EDEM2: variants seen among roughly 807,000 people sequenced by gnomAD.
EDEM2 encodes ER degradation-enhancing alpha-mannosidase-like protein 2.
EDEM2 carries 39 observed loss-of-function variants against 64.8 expected under a neutral mutation model. The ratio of observed to expected loss-of-function variants is 0.60; its 90% confidence interval spans 0.47 to 0.79. EDEM2 has a LOEUF of 0.79. EDEM2 is among the 30% of genes least tolerant of loss of function. EDEM2 has a pLI of 0.00. For synonymous variants in EDEM2, 296 were observed against 291.5 expected (o/e 1.02, Z -0.16); for missense variants, 609 against 731.3 (o/e 0.83, Z 1.93).
chr20:35,128,830 T>G (rs1382908012), intron 7 of EDEM2, among the ~76,000 whole-genome samples: 1 of 150,756 alleles, frequency 6.6e-6, no homozygotes, highest in Non-Finnish European at 1.5e-5. Context: ...AGAAAAAAAC[T>G]TAGAGAATAA....
At chr20:35,130,735 CTG>C (rs1393863494) in intron 7 of EDEM2, among the ~76,000 whole-genome samples, 1 of 152,162 alleles carries the variant, frequency 6.6e-6, no homozygotes, top group Non-Finnish European at 1.5e-5. Flanking sequence ...GAAATCAAAA[CTG>C]TGGATAACGG....
chr20:35,147,226 G>A lies in EDEM2; in HGVS notation c.33C>T (p.Leu11=), dbSNP rs776756520. ...GGTGCTGAGGCAGCAGCGCGCACAG[G>A]AGGCCGAGCGGGATGAGCAGCCGGA... MPFRLLIPLG[L]LCALLPQHHG... The change falls in exon 1 of 11, where the codon CTC becomes CTT. Residue 11 remains leucine, a synonymous_variant. Transcript: ENST00000374492. 1 of 1,598,446 alleles carries A rather than the reference G, an allele frequency of 6.3e-7. No homozygotes were observed. The highest frequency in any genetic ancestry group is 8.5e-7 in the Non-Finnish European group (1 of 1,170,958).
Position 35,134,807 on chromosome 20 carries a change from G to C in EDEM2, c.633C>G (p.Asp211Glu), listed in dbSNP as rs149174437. The C allele has an allele frequency of 1.4e-4, 218 of 1,614,096 alleles. No homozygotes were observed. The African/African-American group carries it at 2.7e-3, about 20-fold the overall frequency. Residue 211 changes from aspartate to glutamate, a missense_variant, in exon 6 of 11, where the codon GAC becomes GAG. Physicochemically the swap from Asp to Glu is conservative, Grantham distance 45. Transcript: ENST00000374492. ...EFATLSSLTGDPVFEDVARVA... is the reference protein window; with the variant it reads ...EFATLSSLTGEPVFEDVARVA... ...CTCTGGCCACATCTTCGAACACCGG[G>C]TCACCAGTGAGGCTGCTCAGGGTGG...
chr20:35,116,584 G>A (rs1413853146), intron 10 of EDEM2, among the ~76,000 whole-genome samples: 3 of 151,906 alleles, frequency 2.0e-5, no homozygotes, highest in Admixed American at 2.0e-4. Context: ...CTTCCTTCAG[G>A]TCTCTGCTCA....
At chr20:35,143,586 A>C (rs2085687004) in intron 3 of EDEM2, among the ~76,000 whole-genome samples, 1 of 152,146 alleles carries the variant, frequency 6.6e-6, no homozygotes, top group Admixed American at 6.5e-5. Context: ...ATGCAATCTC[A>C]ATCTCTCTTC....
chr20:35,129,570 CA>C (rs202187228), intron 7 of EDEM2, among the ~76,000 whole-genome samples: 35,291 of 106,726 alleles, frequency 0.33, 6,828 homozygotes, highest in African/African-American at 0.62. Flanking sequence ...GACTCTATCT[CA>C]AAAAAAAAAA....
intron 6 of EDEM2, chr20:35,133,990 T>C: frequency 2.4e-6 from 1 of 416,276 alleles, no homozygotes; most frequent in Non-Finnish European, 4.8e-6. Flanking sequence ...AGTTTCGATG[T>C]AGCAAGGCCA....
intron 9 of EDEM2, 100 bp from the exon 10 acceptor site, chr20:35,118,819 C>G: frequency 1.3e-6 from 2 of 1,510,926 alleles, no homozygotes; most frequent in Non-Finnish European, 1.8e-6. Flanking sequence ...ATATCTTGTC[C>G]ATAAGGCCCC....
At chr20:35,146,695 CG>C in intron 2 of EDEM2, 129 bp downstream of exon 2, 1 of 969,386 alleles carries the variant, frequency 1.0e-6, no homozygotes, top group South Asian at 1.6e-5. Flanking sequence ...GCGGGGAGCG[CG>C]GCTCTAGCTC....
intron 9 of EDEM2, among the ~76,000 whole-genome samples, chr20:35,121,378 A>G (rs932854030): frequency 2.0e-5 from 3 of 152,180 alleles, no homozygotes; most frequent in Non-Finnish European, 4.4e-5. Flanking sequence ...ATGAACGTCT[A>G]ATGCCACCAC....
In EDEM2 at chr20:35,131,623, C is replaced by T. The variant is rs1323360583; in HGVS notation, c.844+19G>A. On this transcript the variant is annotated intron_variant, in intron 7 of 10. Coordinates refer to ENST00000374492, the MANE Select transcript of EDEM2 (RefSeq NM_018217.3). ...CAAGAAAAATGAGGGGAAAAGCTCC[C>T]TTACTCTGCCATTTTTACCTAGGAA... is the stretch of plus-strand genomic sequence containing the variant. The T allele has an allele frequency of 6.2e-7, 1 of 1,610,574 alleles. No individual in the cohort carries two copies. Among genetic ancestry groups the T allele is most frequent in the Admixed American group, 1.7e-5 (1 of 59,442 alleles).
At chr20:35,135,372 A>G (rs1341699814) in intron 5 of EDEM2, among the ~76,000 whole-genome samples, 1 of 152,224 alleles carries the variant, frequency 6.6e-6, no homozygotes, top group African/African-American at 2.4e-5. Context: ...AAAGCCATTC[A>G]TAGACTTTTG....
At chr20:35,135,192 G>A (rs2085559576) in intron 5 of EDEM2, among the ~76,000 whole-genome samples, 1 of 152,176 alleles carries the variant, frequency 6.6e-6, no homozygotes, top group African/African-American at 2.4e-5. Context: ...GGGGCAGGGA[G>A]CAGGCTGTGC....
chr20:35,144,403 G>A (rs1016084260), intron 3 of EDEM2, among the ~76,000 whole-genome samples: 23 of 152,124 alleles, frequency 1.5e-4, no homozygotes, highest in East Asian at 9.7e-4. Flanking sequence ...GTGCAATCTC[G>A]GCTCACTGCA....
rs575763854 is a variant in EDEM2 at position 35,145,154 on chromosome 20, G to C, written c.219-136C>G. On this transcript the variant is annotated intron_variant, in intron 2 of 10. Transcript: ENST00000374492. ...GCCTGTCCCACTTACAGTCACAACA[G>C]AGAAACCACAGTGAAAATCGCAGGT... The C allele has an allele frequency of 1.2e-5, 10 of 844,396 alleles. No homozygotes were observed. The East Asian group carries it at 2.5e-4, about 21-fold the overall frequency. 52.3% of individuals were successfully genotyped at this position (844,396 alleles called of 1,614,324 possible). A position where few individuals can be genotyped will look rare whatever the true frequency, so the allele number is the denominator to read the frequency against.
rs1442494999 is a variant in EDEM2 at position 35,126,312 on chromosome 20, T to A, written c.908A>T (p.Tyr303Phe). 3 of 1,614,030 alleles carry A rather than the reference T, an allele frequency of 1.9e-6. No homozygotes were observed. The highest frequency in any genetic ancestry group is 2.5e-6 in the Non-Finnish European group (3 of 1,180,048). The change falls in exon 8 of 11, where the codon TAC becomes TTC. Residue 303 changes from tyrosine (Y) to phenylalanine (F), a missense_variant. Transcript: ENST00000374492. ...FDDWYLWVQM[Y>F]KGTVSMPVFQ... The stretch of plus-strand genomic sequence containing the variant: ...GACTGGCATGGACACAGTCCCCTTG[T>A]ACATCTGAACCCACAGGTACCAGTC...
Position 35,142,372 on chromosome 20 carries a change from C to T in EDEM2, c.364+1G>A, listed in dbSNP as rs1056887525. On this transcript the variant is annotated splice_donor_variant, in intron 4 of 10. Coordinates refer to ENST00000374492, the MANE Select transcript of EDEM2 (RefSeq NM_018217.3). LOFTEE classifies it high-confidence loss of function. ...TAAAGGTCCTAGAGAGCAGCCCTTA[C>T]CTCGAATGTTTGTTTCAAACACAGA... 1 of 1,612,094 alleles carries T rather than the reference C, an allele frequency of 6.2e-7. No individual in the cohort carries two copies. Among genetic ancestry groups the T allele is most frequent in the Non-Finnish European group, 8.5e-7 (1 of 1,178,420 alleles).
At chr20:35,135,329 C>T (rs748534124) in intron 5 of EDEM2, among the ~76,000 whole-genome samples, 1 of 152,192 alleles carries the variant, frequency 6.6e-6, no homozygotes, top group Non-Finnish European at 1.5e-5. Context: ...AGTGGTGGGG[C>T]TTGTGGCACA....
intron 7 of EDEM2, among the ~76,000 whole-genome samples, chr20:35,128,278 G>A (rs1249225392): frequency 6.6e-6 from 1 of 151,138 alleles, no homozygotes; most frequent in Non-Finnish European, 1.5e-5. Context: ...AGCTACTCGG[G>A]AGGCTGAGGC....
Sources: gnomAD v4.1 joint callset for allele counts (sites outside exome capture counted in the v4.1 genomes callset) on GRCh38, gnomAD v4.1.1 for gene constraint, MANE v1.5 for transcripts, NCBI Gene and HGNC (gene_info 2026-07-23, HGNC 2026-07-21) for gene names.